Variants in BOLL observed in about 807,000 individuals in gnomAD.
The protein encoded by BOLL is protein boule-like.
BOLL carries 23 observed loss-of-function variants against 44.4 expected under a neutral mutation model. The observed-to-expected ratio is 0.52, with a 90% CI of 0.37 to 0.73. The LOEUF is 0.73. Ranked by LOEUF, BOLL falls within the 30% of genes least tolerant of loss-of-function variation. The probability of loss-of-function intolerance (pLI) is 0.00; values close to 1 mark genes in which losing one functional copy is unlikely to be tolerated. For missense variants in BOLL, 287 were observed against 338.3 expected (o/e 0.85, Z 1.19); for synonymous variants, 97 against 110.8 (o/e 0.88, Z 0.78).
intron 9 of BOLL, 105 bp from the exon 10 acceptor site, chr2:197,743,264 C>T: frequency 1.5e-6 from 1 of 687,016 alleles, no homozygotes; most frequent in Non-Finnish European, 2.2e-6. Context: ...AATGTAGAAA[C>T]AGTTAAAAAC....
chr2:197,775,882 C>T (rs919512583), intron 4 of BOLL, 142 bp from the exon 5 acceptor site: 80 of 450,566 alleles, frequency 1.8e-4, no homozygotes, highest in Non-Finnish European at 2.6e-4. Context: ...GGGAAAGAGC[C>T]GTCTTCAGAC....
At chr2:197,735,885 C>T (rs1372445000) in intron 10 of BOLL, among the ~76,000 whole-genome samples, 6 of 152,074 alleles carry the variant, frequency 3.9e-5, no homozygotes, top group Non-Finnish European at 8.8e-5. Context: ...TTCTCTCACC[C>T]TAGAGGTTTT....
intron 7 of BOLL, among the ~76,000 whole-genome samples, chr2:197,758,098 C>T (rs746834729): frequency 2.0e-5 from 3 of 152,172 alleles, no homozygotes; most frequent in Non-Finnish European, 2.9e-5. Context: ...ATAAACACTT[C>T]CTTAAAAGGT....
In BOLL at chr2:197,781,792, T is replaced by A. The variant is rs762007977; in HGVS notation, c.59A>T (p.Asn20Ile). 6.2e-7 allele frequency: 1 copy of A among 1,608,442 alleles called. No homozygotes were observed. The change falls in exon 2 of 11, where the codon AAC (asparagine) becomes ATC (isoleucine). Residue 20 changes from asparagine (N) to isoleucine (I), a missense_variant. Asn to Ile is a moderately radical substitution (Grantham distance 149, BLOSUM62 -3). Transcript: ENST00000392296. The stretch of plus-strand genomic sequence containing the variant: ...TCCATATCTTGGGGCACTTGTTGGG[T>A]TATTCAAAGGCACAGGTGACACAGG... ...PNPVSPVPLN[N>I]PTSAPRYGTV...
intron 6 of BOLL, 88 bp from the exon 7 acceptor site, chr2:197,766,691 G>A: frequency 3.3e-6 from 3 of 908,012 alleles, no homozygotes; most frequent in Non-Finnish European, 5.2e-6. Context: ...CCTAAACCCA[G>A]TAAACTTCTG....
At chr2:197,762,008 G>A (rs1574844996) in intron 7 of BOLL, among the ~76,000 whole-genome samples, 1 of 152,180 alleles carries the variant, frequency 6.6e-6, no homozygotes, top group East Asian at 1.9e-4. Flanking sequence ...TAGTGGTTGG[G>A]GACTTCAACA....
At chr2:197,733,153 CT>C (rs1687291630) in intron 10 of BOLL, among the ~76,000 whole-genome samples, 1 of 123,130 alleles carries the variant, frequency 8.1e-6, no homozygotes, top group Admixed American at 8.9e-5. Context: ...CACAAGCATT[CT>C]TATACACCAA....
In BOLL at chr2:197,766,642, T is replaced by G. The variant is rs745918755; in HGVS notation, c.481-39A>C. 2.8e-6 allele frequency: 4 copies of G among 1,435,806 alleles called. 1 individual carries two copies. The African/African-American group carries it at 5.6e-5, about 20-fold the overall frequency. 88.9% of individuals were successfully genotyped at this position (1,435,806 alleles called of 1,614,324 possible). ...GAAAAAGAAAAATTAGGCAGAAGCC[T>G]TTAAAATAGCTCACAATAAAATTTA... On this transcript the variant is annotated intron_variant, in intron 6 of 10. Transcript: ENST00000392296.
chr2:197,744,146 T>C (rs1242732371), intron 9 of BOLL, among the ~76,000 whole-genome samples: 2 of 152,244 alleles, frequency 1.3e-5, no homozygotes, highest in Non-Finnish European at 2.9e-5. Flanking sequence ...AAACCCAGTA[T>C]GTATTTTACA....
intron 7 of BOLL, among the ~76,000 whole-genome samples, chr2:197,760,968 C>T (rs1370485510): frequency 6.6e-6 from 1 of 151,954 alleles, no homozygotes; most frequent in East Asian, 1.9e-4. Context: ...GGAAAAAAAC[C>T]TGCCAGCCAA....
intron 2 of BOLL, among the ~76,000 whole-genome samples, chr2:197,781,251 T>G (rs1440065339): frequency 6.6e-6 from 1 of 152,196 alleles, no homozygotes; most frequent in Non-Finnish European, 1.5e-5. Flanking sequence ...GAAAGTGCTT[T>G]GCAAAGAATA....
chr2:197,764,247 T>C lies in BOLL; in HGVS notation c.552+2285A>G, dbSNP rs149346445. 2.1e-4 allele frequency among the ~76,000 whole-genome samples: 32 copies of C among 152,292 alleles called. No individual in the cohort carries two copies. The East Asian group carries it at 6.2e-3, about 29-fold the overall frequency. On this transcript the variant is annotated intron_variant, in intron 7 of 10. Coordinates refer to ENST00000392296, the MANE Select transcript of BOLL (RefSeq NM_033030.6). ...AGAGACATCTGCACCCCCATGTTTA[T>C]TACAGCATTATTCACAATAGCCAAA...
At chr2:197,742,556 T>C (rs1439054486) in intron 10 of BOLL, among the ~76,000 whole-genome samples, 5 of 151,894 alleles carry the variant, frequency 3.3e-5, no homozygotes, top group Non-Finnish European at 7.4e-5. Context: ...CAGCAAACTA[T>C]TGCAAGGACA....
intron 7 of BOLL, among the ~76,000 whole-genome samples, chr2:197,765,505 A>G (rs1403324660): frequency 6.6e-6 from 1 of 151,918 alleles, no homozygotes; most frequent in Non-Finnish European, 1.5e-5. Flanking sequence ...AGAAATGATA[A>G]ATGTTTGAGA....
intron 7 of BOLL, among the ~76,000 whole-genome samples, chr2:197,761,628 G>A (rs1688762835): frequency 1.3e-5 from 2 of 152,062 alleles, no homozygotes; most frequent in East Asian, 1.9e-4. Context: ...ATGCAAATGG[G>A]TTAAATTCTC....
intron 7 of BOLL, among the ~76,000 whole-genome samples, chr2:197,762,941 G>T (rs1345757030): frequency 6.6e-6 from 1 of 151,880 alleles, no homozygotes; most frequent in African/African-American, 2.4e-5. Context: ...AAAACAAAAG[G>T]TTGACTTTTT....
intron 9 of BOLL, among the ~76,000 whole-genome samples, chr2:197,749,623 AGAAAGGATATCAGAGATG>A (rs1688145297): frequency 6.6e-6 from 1 of 151,942 alleles, no homozygotes; most frequent in African/African-American, 2.4e-5. Flanking sequence ...ATCAAGCAGA[AGAAAGGATATCAGAGATG>A]GAAGATTGAC....
chr2:197,780,057 T>C (rs1042730343), intron 2 of BOLL, among the ~76,000 whole-genome samples: 6 of 151,986 alleles, frequency 3.9e-5, no homozygotes, highest in Non-Finnish European at 7.4e-5. Flanking sequence ...ATGACTTTTA[T>C]TTCAGTTAAC....
At chr2:197,757,766 G>T (rs1341417207) in intron 7 of BOLL, among the ~76,000 whole-genome samples, 2 of 152,044 alleles carry the variant, frequency 1.3e-5, no homozygotes, top group Non-Finnish European at 2.9e-5. Flanking sequence ...GAGAAAACAT[G>T]GAACTTATAT....
Sources: allele counts gnomAD v4.1 joint callset (sites outside exome capture counted in the v4.1 genomes callset), GRCh38; gene constraint gnomAD v4.1.1; transcripts MANE v1.5; gene names NCBI Gene and HGNC (gene_info 2026-07-23, HGNC 2026-07-21).